Variants in FHIT observed in about 807,000 individuals in gnomAD.
FHIT encodes the protein fragile histidine triad diadenosine triphosphatase.
FHIT carries 19 observed loss-of-function variants against 17.9 expected under a neutral mutation model. The observed-to-expected ratio is 1.06, with a 90% CI of 0.74 to 1.56. FHIT has a LOEUF of 1.56. FHIT is among the 40% of genes most tolerant of loss of function. The probability of loss-of-function intolerance (pLI) is 0.00; values close to 1 mark genes in which losing one functional copy is unlikely to be tolerated. For missense variants in FHIT, 248 were observed against 189.2 expected (o/e 1.31, Z -1.82); for synonymous variants, 81 against 69.7 (o/e 1.16, Z -0.81).
rs2034299743 is a variant in FHIT, at chr3:61,058,322, A to G, written c.-163-16223T>C. 2.0e-5 allele frequency among the ~76,000 whole-genome samples: 3 copies of G among 152,196 alleles called. No individual in the cohort carries two copies. In the South Asian group the frequency reaches 6.2e-4, roughly 31 times the overall value. ...TGATAGTTTCCAATAATTTATATAC[A>G]TGTAAAGTATATTTGAGATGGTCGG... On this transcript the variant is annotated intron_variant, in intron 2 of 9. Coordinates refer to ENST00000492590, the MANE Select transcript of FHIT (RefSeq NM_002012.4).
chr3:60,654,508 T>A (rs1319229748), intron 4 of FHIT, among the ~76,000 whole-genome samples: 1 of 151,872 alleles, frequency 6.6e-6, no homozygotes, highest in African/African-American at 2.4e-5. Flanking sequence ...TTGAAAAAAC[T>A]TGAAGATATT....
At chr3:60,455,783 G>A (rs764623299) in intron 5 of FHIT, among the ~76,000 whole-genome samples, 7 of 152,102 alleles carry the variant, frequency 4.6e-5, no homozygotes, top group Non-Finnish European at 1.0e-4. Flanking sequence ...TGCCCAAATG[G>A]AGGAAAATTA....
rs569438371 is a variant in FHIT at position 60,721,440 on chromosome 3, T to C, written c.-18+100479A>G. 2.5e-3 allele frequency among the ~76,000 whole-genome samples: 378 copies of C among 152,236 alleles called. 1 individual carries two copies. The highest frequency in any genetic ancestry group is 8.7e-3 in the African/African-American group (362 of 41,554). On this transcript the variant is annotated intron_variant, in intron 4 of 9. Transcript: ENST00000492590. ...CACTGCCTTGGTTTGAAAAACAACA[T>C]AGAATGCAGGCCTCATACAATTTGA...
intron 8 of FHIT, among the ~76,000 whole-genome samples, chr3:59,879,752 C>T (rs1396334557): frequency 1.3e-5 from 2 of 152,150 alleles, no homozygotes; most frequent in Non-Finnish European, 2.9e-5. Context: ...ATTGCTGGGT[C>T]CACAAACAGC....
At chr3:60,263,061 G>A (rs1007844884) in intron 5 of FHIT, among the ~76,000 whole-genome samples, 1 of 151,806 alleles carries the variant, frequency 6.6e-6, no homozygotes, top group African/African-American at 2.4e-5. Context: ...TACCCAAAAT[G>A]ACATCGTACA....
intron 8 of FHIT, among the ~76,000 whole-genome samples, chr3:59,917,511 T>G (rs1559728747): frequency 1.3e-5 from 2 of 152,342 alleles, no homozygotes; most frequent in East Asian, 3.9e-4. Context: ...TTTGGGTCAT[T>G]ACCATAATCT....
At chr3:61,010,572 G>A (rs779345386) in intron 3 of FHIT, among the ~76,000 whole-genome samples, 5 of 152,146 alleles carry the variant, frequency 3.3e-5, no homozygotes, top group Admixed American at 6.5e-5. Flanking sequence ...CAACCAACAG[G>A]GATCAGGCTT....
At chr3:60,857,221 C>A (rs921914738) in intron 3 of FHIT, among the ~76,000 whole-genome samples, 1 of 152,056 alleles carries the variant, frequency 6.6e-6, no homozygotes, top group Non-Finnish European at 1.5e-5. Flanking sequence ...AAAACAGACT[C>A]ATGGTAAAAT....
chr3:59,778,903 G>T (rs1453387341), intron 8 of FHIT, among the ~76,000 whole-genome samples: 1 of 152,174 alleles, frequency 6.6e-6, no homozygotes, highest in Non-Finnish European at 1.5e-5. Flanking sequence ...TCCTTCCCAT[G>T]AATCAACTAG....
At chr3:60,606,622 A>G (rs144969391) in intron 4 of FHIT, among the ~76,000 whole-genome samples, 1 of 152,030 alleles carries the variant, frequency 6.6e-6, no homozygotes, top group East Asian at 1.9e-4. Flanking sequence ...GTGCCTTTTC[A>G]TTCCACTCCA....
At chr3:59,799,292 T>G (rs536633183) in intron 8 of FHIT, among the ~76,000 whole-genome samples, 1 of 152,294 alleles carries the variant, frequency 6.6e-6, no homozygotes, top group South Asian at 2.1e-4. Flanking sequence ...TTGACCTCCC[T>G]GAGTTCTAAG....
At chr3:60,563,389 C>T (rs1231481823) in intron 4 of FHIT, among the ~76,000 whole-genome samples, 7 of 152,182 alleles carry the variant, frequency 4.6e-5, no homozygotes, top group East Asian at 3.9e-4. Context: ...TTTAGACCAA[C>T]TAATAACCCT....
At chr3:59,986,532 T>TACAC (rs1219101044) in intron 7 of FHIT, among the ~76,000 whole-genome samples, 4 of 12,110 alleles carry the variant, frequency 3.3e-4, no homozygotes, top group African/African-American at 2.3e-3. Flanking sequence ...TATATATATA[T>TACAC]ATATATATAC....
chr3:60,955,618 A>ATG lies in FHIT; in HGVS notation c.-111+86428_-111+86429insCA, dbSNP rs1709104477. ...TATACATATATATATATATATATAT[A>ATG]TATATATATATATATACACACACAC... On this transcript the variant is annotated intron_variant, in intron 3 of 9. Coordinates refer to ENST00000492590, the MANE Select transcript of FHIT (RefSeq NM_002012.4). 3.0e-3 allele frequency among the ~76,000 whole-genome samples: 44 copies of ATG among 14,490 alleles called. 1 individual carries two copies. Among genetic ancestry groups the ATG allele is most frequent in the Non-Finnish European group, 7.2e-3 (33 of 4,590 alleles). 9.5% of individuals were successfully genotyped at this position (14,490 alleles called of 152,430 possible).
intron 5 of FHIT, among the ~76,000 whole-genome samples, chr3:60,284,621 C>T (rs1258451712): frequency 2.6e-5 from 4 of 152,086 alleles, no homozygotes; most frequent in East Asian, 1.9e-4. Context: ...TGCTAATTTA[C>T]ACCCATTGTT....
At chr3:59,866,682 C>T (rs1367867798) in intron 8 of FHIT, among the ~76,000 whole-genome samples, 3 of 152,036 alleles carry the variant, frequency 2.0e-5, no homozygotes, top group Admixed American at 2.0e-4. Flanking sequence ...AATCACTAAC[C>T]AGAATTTGAG....
chr3:60,549,607 A>T (rs998359161), intron 4 of FHIT, among the ~76,000 whole-genome samples: 1 of 152,188 alleles, frequency 6.6e-6, no homozygotes, highest in East Asian at 1.9e-4. Context: ...CCATTTCCCC[A>T]AAACTTTGTT....
At chr3:60,329,535 A>T (rs1424090671) in intron 5 of FHIT, among the ~76,000 whole-genome samples, 1 of 152,184 alleles carries the variant, frequency 6.6e-6, no homozygotes, top group African/African-American at 2.4e-5. Context: ...AGGCAAGCAG[A>T]CCCCTCTTTC....
chr3:60,198,068 G>A (rs749203199), intron 5 of FHIT, among the ~76,000 whole-genome samples: 2 of 152,066 alleles, frequency 1.3e-5, no homozygotes, highest in Non-Finnish European at 2.9e-5. Flanking sequence ...TTAGTTCATC[G>A]CAACTTCAGA....
Sources: allele counts gnomAD v4.1 joint callset (sites outside exome capture counted in the v4.1 genomes callset), GRCh38; gene constraint gnomAD v4.1.1; transcripts MANE v1.5; gene names NCBI Gene and HGNC (gene_info 2026-07-23, HGNC 2026-07-21).